The following AGAP1 variants were observed in gnomAD, a reference collection of about 807,000 sequenced individuals.
The protein encoded by AGAP1 is arf-GAP with GTPase, ANK repeat and PH domain-containing protein 1.
A neutral mutation model predicts 105.3 loss-of-function variants in AGAP1; 29 were observed. That is an observed-to-expected ratio of 0.28 (90% CI 0.21 to 0.38). AGAP1 has a LOEUF of 0.38. Among genes scored for constraint, AGAP1 ranks in the 10% least tolerant of loss-of-function variants. The pLI, the probability that AGAP1 is intolerant of heterozygous loss-of-function variation, is 1.00. For missense variants in AGAP1, 998 were observed against 1,165.1 expected, an observed-to-expected ratio of 0.86 and a Z score of 2.09; for synonymous variants, 509 against 485.9, an observed-to-expected ratio of 1.05 and a Z score of -0.63.
rs1948096731 is a variant in AGAP1, at chr2:235,665,459, C to T, written c.164-43720C>T. On this transcript the variant is annotated intron_variant, in intron 1 of 17. Transcript: ENST00000304032. This position sits in a 1 kb window ranked among gnomAD's most constrained non-coding sequence, Gnocchi z 5.3. ...TTTTAAAACGAGAGAAATAGGGTCCCCAGTGAGTTCAGCTGGAGTGTCCCA... is the reference window on the plus strand; with the variant it reads ...TTTTAAAACGAGAGAAATAGGGTCCTCAGTGAGTTCAGCTGGAGTGTCCCA... 6.6e-6 allele frequency among the ~76,000 whole-genome samples: 1 copy of T among 152,112 alleles called. No individual in the cohort carries two copies. The highest frequency in any genetic ancestry group is 1.5e-5 in the Non-Finnish European group (1 of 68,030).
At chr2:235,770,167 G>A (rs563714645) in intron 6 of AGAP1, among the ~76,000 whole-genome samples, 15 of 138,436 alleles carry the variant, frequency 1.1e-4, no homozygotes, top group Admixed American at 9.4e-4. Flanking sequence ...TCACTGTATC[G>A]CCCAGGCTGG....
At position 235,622,550 on chromosome 2, in the gene AGAP1, G is replaced by T. The variant is rs749979258; in HGVS notation, c.164-86629G>T. Among the ~76,000 whole-genome samples, 1 of 152,018 alleles carries T rather than the reference G, an allele frequency of 6.6e-6. No individual in the cohort carries two copies. The highest frequency in any genetic ancestry group is 1.5e-5 in the Non-Finnish European group (1 of 67,996). On this transcript the variant is annotated intron_variant, in intron 1 of 17. Coordinates refer to ENST00000304032, the MANE Select transcript of AGAP1 (RefSeq NM_001037131.3). The surrounding 1 kb of genome is among the most constrained non-coding windows in gnomAD (Gnocchi z 5.0). ...GCTGTGCTTCCTTTAACTGAACCCC[G>T]GTGGCCCAGTTGCTCCTCTTGGTGG...
intron 13 of AGAP1, among the ~76,000 whole-genome samples, chr2:236,028,888 A>G (rs768838210): frequency 6.6e-6 from 1 of 152,208 alleles, no homozygotes; most frequent in Non-Finnish European, 1.5e-5. Context: ...GTCCTCTTCT[A>G]TTCCTCGTTG....
chr2:235,825,631 A>T (rs932967664), intron 9 of AGAP1, among the ~76,000 whole-genome samples: 3 of 152,248 alleles, frequency 2.0e-5, no homozygotes, highest in East Asian at 3.8e-4. Context: ...CAAAGTCTTC[A>T]TTAAAAAGCT....
At chr2:235,522,824 G>C (rs1044215447) in intron 1 of AGAP1, among the ~76,000 whole-genome samples, 1 of 152,190 alleles carries the variant, frequency 6.6e-6, no homozygotes, top group Non-Finnish European at 1.5e-5. Flanking sequence ...GGTACTGTTA[G>C]AGCGATTTGT....
intron 1 of AGAP1, among the ~76,000 whole-genome samples, chr2:235,548,777 C>T (rs1943709716): frequency 6.6e-6 from 1 of 152,132 alleles, no homozygotes; most frequent in Non-Finnish European, 1.5e-5. Flanking sequence ...GTTATCTGCT[C>T]ATGTGAGAGT....
chr2:236,054,893 T>TC (rs1445433957), intron 16 of AGAP1, among the ~76,000 whole-genome samples: 1 of 146,992 alleles, frequency 6.8e-6, no homozygotes, highest in Non-Finnish European at 1.5e-5. Context: ...CCGGCTGCCC[T>TC]CCCCCAGCCC....
intron 13 of AGAP1, among the ~76,000 whole-genome samples, chr2:236,006,011 G>GTAA (rs2056310799): frequency 6.6e-6 from 1 of 152,210 alleles, no homozygotes; most frequent in African/African-American, 2.4e-5. Flanking sequence ...GGGTGTCTAT[G>GTAA]TAAATTTTTT....
intron 13 of AGAP1, among the ~76,000 whole-genome samples, chr2:236,021,493 G>A (rs1385063685): frequency 3.9e-5 from 6 of 152,168 alleles, no homozygotes; most frequent in Non-Finnish European, 8.8e-5. Context: ...TTAGGAGTCC[G>A]AGGGGACCTC....
At chr2:235,847,854 TC>T (rs1961686707) in intron 9 of AGAP1, among the ~76,000 whole-genome samples, 1 of 152,230 alleles carries the variant, frequency 6.6e-6, no homozygotes, top group African/African-American at 2.4e-5. Flanking sequence ...GTGCTCCTGT[TC>T]CTGGCTTGTG....
At chr2:235,698,823 C>A (rs533080493) in intron 1 of AGAP1, among the ~76,000 whole-genome samples, 2 of 152,332 alleles carry the variant, frequency 1.3e-5, no homozygotes, top group South Asian at 4.2e-4. Flanking sequence ...TCATACCTAT[C>A]ACAATTTTTA....
rs1224709516 is a variant in AGAP1 at position 235,919,961 on chromosome 2, G to A, written c.1325-10804G>A. On this transcript the variant is annotated intron_variant, in intron 11 of 17. Coordinates refer to ENST00000304032, the MANE Select transcript of AGAP1 (RefSeq NM_001037131.3). This position sits in a 1 kb window ranked among gnomAD's most constrained non-coding sequence, Gnocchi z 4.1. ...ATAAACACTGTCGGAATCTGGAGCA[G>A]CACGTGTTCCTTCAGCAGATAAAAA... 2.0e-5 allele frequency among the ~76,000 whole-genome samples: 3 copies of A among 152,202 alleles called. No individual in the cohort carries two copies. The highest frequency in any genetic ancestry group is 4.4e-5 in the Non-Finnish European group (3 of 68,044).
intron 9 of AGAP1, among the ~76,000 whole-genome samples, chr2:235,821,535 A>T (rs1382377669): frequency 6.6e-6 from 1 of 152,060 alleles, no homozygotes; most frequent in African/African-American, 2.4e-5. Context: ...AGGGAACTTT[A>T]AAAATTTTAA....
At chr2:235,892,633 G>C (rs1239115154) in intron 10 of AGAP1, among the ~76,000 whole-genome samples, 2 of 151,430 alleles carry the variant, frequency 1.3e-5, no homozygotes, top group African/African-American at 4.9e-5. Flanking sequence ...GCTGTGCTCA[G>C]TGCCTGTAAC....
intron 12 of AGAP1, among the ~76,000 whole-genome samples, chr2:235,955,728 C>G (rs2053919810): frequency 6.6e-6 from 1 of 152,190 alleles, no homozygotes; most frequent in Non-Finnish European, 1.5e-5. Context: ...TTTCCCATAG[C>G]TGAGGACACC....
At position 235,596,775 on chromosome 2, in the gene AGAP1, C is replaced by T. The variant is rs1163322560; in HGVS notation, c.163+101926C>T. 6.6e-6 allele frequency among the ~76,000 whole-genome samples: 1 copy of T among 152,162 alleles called. No individual in the cohort carries two copies. The highest frequency in any genetic ancestry group is 1.5e-5 in the Non-Finnish European group (1 of 68,038). ...GAAAAGCAATGATGTTTCCCAAGGC[C>T]GGGGCTGTCGACTGAATTGTGTCCC... On this transcript the variant is annotated intron_variant, in intron 1 of 17. Coordinates refer to ENST00000304032, the MANE Select transcript of AGAP1 (RefSeq NM_001037131.3). This position sits in a 1 kb window ranked among gnomAD's most constrained non-coding sequence, Gnocchi z 5.9.
chr2:235,619,563 A>C (rs1946411561), intron 1 of AGAP1, among the ~76,000 whole-genome samples: 1 of 152,016 alleles, frequency 6.6e-6, no homozygotes, highest in South Asian at 2.1e-4. Flanking sequence ...GGAGCTGGTC[A>C]ATCCTGGGGC....
intron 1 of AGAP1, among the ~76,000 whole-genome samples, chr2:235,541,827 A>T (rs916576732): frequency 3.3e-5 from 5 of 152,122 alleles, no homozygotes; most frequent in African/African-American, 4.8e-5. Context: ...ATTTACCTGT[A>T]TGTGGTTCTG....
intron 9 of AGAP1, among the ~76,000 whole-genome samples, chr2:235,808,633 C>G (rs1344785954): frequency 3.3e-5 from 5 of 152,168 alleles, no homozygotes; most frequent in Admixed American, 2.6e-4. Context: ...CAAGCTTTCT[C>G]CTTCCGTGCT....
Sources: allele counts gnomAD v4.1 joint callset (sites outside exome capture counted in the v4.1 genomes callset), GRCh38; gene constraint gnomAD v4.1.1; non-coding constraint Gnocchi (gnomAD v3.1); transcripts MANE v1.5; gene names NCBI Gene and HGNC (gene_info 2026-07-23, HGNC 2026-07-21).